Variants in ARHGEF16 observed in about 807,000 individuals in gnomAD.
ARHGEF16 encodes Rho guanine exchange factor (GEF) 16.
ARHGEF16 carries 59 observed loss-of-function variants against 74.1 expected under a neutral mutation model. The observed-to-expected ratio is 0.80, with a 90% CI of 0.65 to 0.99. The LOEUF (loss-of-function observed/expected upper bound fraction) is 0.99. ARHGEF16 is among the 50% of genes least tolerant of loss of function. The pLI is 0.00. For missense variants in ARHGEF16, 948 were observed against 986.6 expected, an observed-to-expected ratio of 0.96 and a Z score of 0.52; for synonymous variants, 415 against 412.6, an observed-to-expected ratio of 1.01 and a Z score of -0.07.
In ARHGEF16 at chr1:3,480,798, G is replaced by C. The variant is rs1640037095; in HGVS notation, c.*211G>C. 2 of 678,770 alleles carry C rather than the reference G, an allele frequency of 2.9e-6. No individual in the cohort carries two copies. The allele number at this position is 678,770 out of a possible 1,614,324, so 42.0% of individuals were successfully genotyped here. ...GAGGCACCCCCAGGCAAGCTCGAGG[G>C]GGCCACACCGTGTCCCAGGGAGCCC... On this transcript the variant is annotated 3_prime_UTR_variant, in exon 15 of 15. Coordinates refer to ENST00000378378, the MANE Select transcript of ARHGEF16 (RefSeq NM_014448.4).
chr1:3,472,886 CT>C (rs1639770173), intron 6 of ARHGEF16, 191 bp from the exon 7 acceptor site: 2 of 239,960 alleles, frequency 8.3e-6, no homozygotes, highest in South Asian at 4.5e-5. Flanking sequence ...CCCACCCGCC[CT>C]CCCTGCTGTC....
intron 6 of ARHGEF16, among the ~76,000 whole-genome samples, chr1:3,470,345 TGTG>T (rs1452756053): frequency 6.7e-6 from 1 of 148,782 alleles, no homozygotes; most frequent in Non-Finnish European, 1.5e-5. Flanking sequence ...TGGACAGGGT[TGTG>T]TGTGCGTGGG....
intron 1 of ARHGEF16, among the ~76,000 whole-genome samples, chr1:3,457,382 A>G (rs1318811628): frequency 6.6e-6 from 1 of 152,222 alleles, no homozygotes; most frequent in Non-Finnish European, 1.5e-5. Flanking sequence ...GTGGGACCAC[A>G]TGAAGCTGGA....
At chr1:3,468,195 G>A (rs1052957621) in intron 4 of ARHGEF16, among the ~76,000 whole-genome samples, 1 of 152,178 alleles carries the variant, frequency 6.6e-6, no homozygotes, top group African/African-American at 2.4e-5. Context: ...CAGAGTTTCC[G>A]ACCCTGCATG....
At chr1:3,472,114 C>T (rs775268758) in intron 6 of ARHGEF16, among the ~76,000 whole-genome samples, 23 of 152,202 alleles carry the variant, frequency 1.5e-4, no homozygotes, top group South Asian at 2.1e-4. Context: ...GGGAGTCCTC[C>T]GAAGGACAGA....
chr1:3,468,791 C>G (rs1639621135), intron 4 of ARHGEF16, 89 bp from the exon 5 acceptor site: 3 of 1,469,972 alleles, frequency 2.0e-6, no homozygotes, highest in Non-Finnish European at 2.8e-6. Context: ...CATGTTGGCC[C>G]TGGTCCATCA....
chr1:3,478,272 C>A, intron 11 of ARHGEF16, 152 bp from the exon 12 acceptor site: 7 of 975,780 alleles, frequency 7.2e-6, no homozygotes, highest in South Asian at 1.6e-5. Context: ...AAAGCCATGG[C>A]CTCTGTTCTG....
intron 13 of ARHGEF16, 77 bp from the exon 14 acceptor site, chr1:3,479,735 G>T: frequency 6.4e-7 from 1 of 1,570,258 alleles, no homozygotes; most frequent in Non-Finnish European, 8.7e-7. Flanking sequence ...CGGGGGATGT[G>T]TCTGCTGGAG....
At chr1:3,476,205 AGG>A in intron 10 of ARHGEF16, 143 bp downstream of exon 10, 4 of 830,334 alleles carry the variant, frequency 4.8e-6, no homozygotes, top group Non-Finnish European at 5.6e-6. Flanking sequence ...TGGGCCTCCT[AGG>A]GCTGGTGGCT....
At chr1:3,467,902 C>A (rs1256823122) in intron 4 of ARHGEF16, among the ~76,000 whole-genome samples, 1 of 152,034 alleles carries the variant, frequency 6.6e-6, no homozygotes. Flanking sequence ...TGGCCGTGGG[C>A]GTGGCGGGCA....
intron 3 of ARHGEF16, 126 bp downstream of exon 3, chr1:3,466,319 C>A: frequency 1.9e-6 from 2 of 1,032,172 alleles, no homozygotes; most frequent in Non-Finnish European, 2.8e-6. Context: ...TTGACAGGGT[C>A]CTTCCAGAGG....
chr1:3,466,723 C>T (rs1334428897), intron 3 of ARHGEF16, among the ~76,000 whole-genome samples: 2 of 152,180 alleles, frequency 1.3e-5, no homozygotes, highest in African/African-American at 4.8e-5. Flanking sequence ...AGATTAGAGG[C>T]AATGAAGCCC....
At chr1:3,462,293 G>T (rs916624379) in intron 1 of ARHGEF16, among the ~76,000 whole-genome samples, 2 of 152,202 alleles carry the variant, frequency 1.3e-5, no homozygotes, top group African/African-American at 4.8e-5. Context: ...AGAATTGTCA[G>T]CTTTATGCCC....
At chr1:3,457,134 G>C (rs150318113) in intron 1 of ARHGEF16, among the ~76,000 whole-genome samples, 1 of 152,260 alleles carries the variant, frequency 6.6e-6, no homozygotes, top group Admixed American at 6.5e-5. Flanking sequence ...TGGCCACCTT[G>C]CAAACGGAGC....
chr1:3,476,119 C>A, intron 10 of ARHGEF16, 57 bp downstream of exon 10: 2 of 1,511,676 alleles, frequency 1.3e-6, no homozygotes, highest in Non-Finnish European at 1.8e-6. Flanking sequence ...GCCCTCCCTG[C>A]TGGCCTGCGT....
intron 2 of ARHGEF16, among the ~76,000 whole-genome samples, chr1:3,464,289 G>A (rs1639482516): frequency 6.6e-6 from 1 of 152,214 alleles, no homozygotes; most frequent in Admixed American, 6.5e-5. Context: ...GTCCAGCTGG[G>A]GCTCCTGGGC....
intron 5 of ARHGEF16, 137 bp downstream of exon 5, chr1:3,469,073 C>T (rs1260375387): frequency 9.0e-7 from 1 of 1,109,370 alleles, no homozygotes; most frequent in Non-Finnish European, 1.3e-6. Context: ...TCACGCTGAC[C>T]AGCGCCTCAC....
At chr1:3,471,607 T>C in intron 6 of ARHGEF16, 1 of 1,112,386 alleles carries the variant, frequency 9.0e-7, no homozygotes, top group African/African-American at 1.7e-5. Context: ...AGGCAGGCTT[T>C]GTGTTCTCTG....
chr1:3,470,578 TGA>T (rs1304547970), intron 6 of ARHGEF16, among the ~76,000 whole-genome samples: 1 of 143,144 alleles, frequency 7.0e-6, no homozygotes, highest in Non-Finnish European at 1.5e-5. Context: ...GGGGTGTGTG[TGA>T]GTGGCTGTGT....
Sources: gnomAD v4.1 joint callset for allele counts (sites outside exome capture counted in the v4.1 genomes callset) on GRCh38, gnomAD v4.1.1 for gene constraint, MANE v1.5 for transcripts, NCBI Gene and HGNC (gene_info 2026-07-23, HGNC 2026-07-21) for gene names.